Variants in ENAM observed in about 807,000 individuals in gnomAD.
ENAM encodes the protein enamelin.
ENAM carries 21 observed loss-of-function variants against 33.6 expected under a neutral mutation model. That is an observed-to-expected ratio of 0.63 (90% CI 0.44 to 0.90). The LOEUF (loss-of-function observed/expected upper bound fraction) is 0.90. Ranked by LOEUF, ENAM falls within the 40% of genes least tolerant of loss-of-function variation. The probability of loss-of-function intolerance (pLI) is 0.00; values close to 1 mark genes in which losing one functional copy is unlikely to be tolerated. For synonymous variants in ENAM, 473 were observed against 468.4 expected, an observed-to-expected ratio of 1.01 and a Z score of -0.13; for missense variants, 1,388 against 1,366.9, an observed-to-expected ratio of 1.02 and a Z score of -0.24.
intron 2 of ENAM, 131 bp downstream of exon 2, chr4:70,629,685 G>A (rs1284695408): frequency 1.9e-5 from 15 of 787,934 alleles, no homozygotes; most frequent in African/African-American, 1.7e-5. Flanking sequence ...TTTCACAGAT[G>A]GAATGGAAGA....
At chr4:70,639,032 A>G (rs1480505767) in intron 8 of ENAM, among the ~76,000 whole-genome samples, 3 of 151,948 alleles carry the variant, frequency 2.0e-5, no homozygotes, top group Non-Finnish European at 4.4e-5. Context: ...CCTGGCCTCA[A>G]GTGATCCAGC....
rs374039390 is a variant in ENAM, at chr4:70,642,451, G to A, written c.1025G>A (p.Gly342Glu). 22 of 1,613,964 alleles carry A rather than the reference G, an allele frequency of 1.4e-5. No homozygotes were observed. The highest frequency in any genetic ancestry group is 1.7e-5 in the Non-Finnish European group (20 of 1,179,936). The change falls in exon 9 of 9, where the codon GGG becomes GAG. Residue 342 changes from glycine to glutamate, a missense_variant. Transcript: ENST00000396073. ...TGGTATTTCACTGGTACTGTCATGGGGCACAGACAGAATAGGCCTTTTTAC... is the reference window on the plus strand; with the variant it reads ...TGGTATTTCACTGGTACTGTCATGGAGCACAGACAGAATAGGCCTTTTTAC... Reference protein sequence around the residue: ...RQWYFTGTVMGHRQNRPFYRN... With the variant: ...RQWYFTGTVMEHRQNRPFYRN...
intron 7 of ENAM, among the ~76,000 whole-genome samples, chr4:70,637,190 C>T (rs1738472082): frequency 6.6e-6 from 1 of 152,164 alleles, no homozygotes; most frequent in Non-Finnish European, 1.5e-5. Context: ...GATTCTCATG[C>T]TGAAGTAACT....
At position 70,636,696 on chromosome 4, in the gene ENAM, G is replaced by C. The variant is rs568507040; in HGVS notation, c.534+802G>C. On this transcript the variant is annotated intron_variant, in intron 7 of 8. Transcript: ENST00000396073. Reference sequence around the variant, plus strand: ...AGGCAGGAGACTCACTTGAACCCAGGAAGCAGAGGTTGCAGTGAGCCGAGA... The same window carrying C: ...AGGCAGGAGACTCACTTGAACCCAGCAAGCAGAGGTTGCAGTGAGCCGAGA... Among the ~76,000 whole-genome samples, 3 of 151,836 alleles carry C rather than the reference G, an allele frequency of 2.0e-5. 1 individual carries two copies. The South Asian group carries it at 6.2e-4, about 32-fold the overall frequency.
intron 8 of ENAM, among the ~76,000 whole-genome samples, chr4:70,638,355 C>T (rs373536680): frequency 6.6e-6 from 1 of 151,846 alleles, no homozygotes; most frequent in African/African-American, 2.4e-5. Flanking sequence ...CCCCACCCCC[C>T]TGGAGCTTAC....
rs1413046366 is a variant in ENAM, at chr4:70,642,082, T to C, written c.656T>C (p.Met219Thr). Residue 219 changes from methionine (M) to threonine (T), a missense_variant, in exon 9 of 9, where the codon ATG (methionine) becomes ACG (threonine). Coordinates refer to ENST00000396073, the MANE Select transcript of ENAM (RefSeq NM_031889.3). Reference protein sequence around the residue: ...GGRPPYYSEEMFEQDFEKPKE... With the variant: ...GGRPPYYSEETFEQDFEKPKE... ...CGCCCTCCTTATTATTCAGAAGAAA[T>C]GTTTGAACAAGATTTTGAAAAACCC... 6.2e-7 allele frequency: 1 copy of C among 1,614,074 alleles called. No individual in the cohort carries two copies. Among genetic ancestry groups the C allele is most frequent in the Non-Finnish European group, 8.5e-7 (1 of 1,179,944 alleles).
chr4:70,630,130 A>C (rs1738272836), intron 2 of ENAM, among the ~76,000 whole-genome samples: 1 of 152,206 alleles, frequency 6.6e-6, no homozygotes, highest in Admixed American at 6.5e-5. Context: ...AAAATCTTTA[A>C]ATAGTAGGAA....
rs1577967942 is a variant in ENAM at position 70,631,690 on chromosome 4, G to A, written c.75G>A (p.Lys25=). 6.2e-7 allele frequency: 1 copy of A among 1,613,458 alleles called. No individual in the cohort carries two copies. Among genetic ancestry groups the A allele is most frequent in the Non-Finnish European group, 8.5e-7 (1 of 1,179,420 alleles). Residue 25 remains lysine, a synonymous_variant, in exon 3 of 9, where the codon AAG becomes AAA. Transcript: ENST00000396073. ...LDNLVPKGKM[K]ILLVFLGLLG... is the part of the protein sequence containing the mutation. ...TCTAGGTACCAAAAGGCAAAATGAA[G>A]ATTCTCCTGGTCTTTCTAGGGCTTC...
intron 8 of ENAM, among the ~76,000 whole-genome samples, chr4:70,640,235 AT>A (rs1738564599): frequency 6.6e-6 from 1 of 152,228 alleles, no homozygotes; most frequent in African/African-American, 2.4e-5. Context: ...TCCCAGGAAA[AT>A]AGGAAACTGA....
At chr4:70,635,554 G>T (rs1439053042) in intron 6 of ENAM, among the ~76,000 whole-genome samples, 1 of 152,250 alleles carries the variant, frequency 6.6e-6, no homozygotes, top group East Asian at 1.9e-4. Context: ...GAACTTCATG[G>T]TCTTAGTAAA....
rs753473922 is a variant in ENAM, at chr4:70,642,577, CT to C, written c.1152del (p.Pro385LeufsTer29). On this transcript the variant is annotated frameshift_variant, in exon 9 of 9. Coordinates refer to ENST00000396073, the MANE Select transcript of ENAM (RefSeq NM_031889.3). LOFTEE classifies it low-confidence loss of function (END_TRUNC). ...PGNPVYHKAY[P>X]PTSRGNYPNY... ...AATCCAGTTTATCACAAAGCTTACC[CT>C]CCTACTTCAAGAGGCAATTATCCCA... is the stretch of plus-strand genomic sequence containing the variant. 1.9e-6 allele frequency: 3 copies of C among 1,614,002 alleles called. No individual in the cohort carries two copies. The highest frequency in any genetic ancestry group is 2.5e-6 in the Non-Finnish European group (3 of 1,179,952).
At chr4:70,632,509 C>CTGTTGTGCAT in intron 4 of ENAM, 142 bp from the exon 5 acceptor site, 1 of 759,730 alleles carries the variant, frequency 1.3e-6, no homozygotes, top group South Asian at 1.4e-5. Context: ...GGTGATATGA[C>CTGTTGTGCAT]TGTTGTGCAT....
intron 8 of ENAM, among the ~76,000 whole-genome samples, chr4:70,638,794 CTTTT>C (rs202207649): frequency 7.3e-6 from 1 of 137,252 alleles, no homozygotes; most frequent in Admixed American, 7.5e-5. Flanking sequence ...TTCTTTCTTT[CTTTT>C]TTTTTTTTTT....
At chr4:70,629,577 G>A in intron 2 of ENAM, 23 bp downstream of exon 2, 1 of 1,567,236 alleles carries the variant, frequency 6.4e-7, no homozygotes, top group Non-Finnish European at 8.8e-7. Flanking sequence ...ATTTATTTTT[G>A]CCAATACATA....
At chr4:70,635,755 G>T (rs1224801165) in intron 6 of ENAM, 77 bp from the exon 7 acceptor site, 8 of 921,624 alleles carry the variant, frequency 8.7e-6, no homozygotes, top group Admixed American at 1.8e-5. Flanking sequence ...AGTTTCAATT[G>T]TATTTAGTTA....
Position 70,644,671 on chromosome 4 carries a change from T to C in ENAM, c.3245T>C (p.Phe1082Ser), listed in dbSNP as rs759476301. The C allele has an allele frequency of 1.2e-6, 2 of 1,614,112 alleles. No homozygotes were observed. Among genetic ancestry groups the C allele is most frequent in the South Asian group, 1.1e-5 (1 of 91,062 alleles). ...TPSSDGRQSP[F>S]DGDSITPTEN... is the part of the protein sequence containing the mutation. ...TCTAGCGATGGAAGGCAAAGCCCATTTGATGGGGATTCAATTACGCCTACT... is the reference window on the plus strand; with the variant it reads ...TCTAGCGATGGAAGGCAAAGCCCATCTGATGGGGATTCAATTACGCCTACT... The change falls in exon 9 of 9, where the codon TTT becomes TCT. Residue 1082 changes from phenylalanine to serine, a missense_variant. Phe to Ser is a radical substitution (Grantham distance 155). Transcript: ENST00000396073.
At chr4:70,631,596 A>G in intron 2 of ENAM, 74 bp from the exon 3 acceptor site, 1 of 1,072,590 alleles carries the variant, frequency 9.3e-7, no homozygotes, top group Non-Finnish European at 1.5e-6. Context: ...GTAGGCTAGT[A>G]CTTAGATAAG....
chr4:70,634,560 C>A lies in ENAM; in HGVS notation c.463C>A (p.Pro155Thr). 6.2e-7 allele frequency: 1 copy of A among 1,614,088 alleles called. No homozygotes were observed. Among genetic ancestry groups the A allele is most frequent in the South Asian group, 1.1e-5 (1 of 91,082 alleles). ...ACCTCAGCCCGAAGAGGAAGCTCAA[C>A]CCCCTCAGGTGAGACTTGCACAGAA... ...NQPQPEEEAQ[P>T]PQAFPPFGNG... Residue 155 changes from proline to threonine, a missense_variant, in exon 6 of 9, where the codon CCC becomes ACC. By Grantham distance (38) the Pro-to-Thr change is conservative (BLOSUM62 -1). Transcript: ENST00000396073.
intron 3 of ENAM, 49 bp downstream of exon 3, chr4:70,631,787 C>G: frequency 6.2e-7 from 1 of 1,607,344 alleles, no homozygotes; most frequent in East Asian, 2.2e-5. Context: ...CCGTTAGGAA[C>G]AATTGTTGAG....
Sources: allele counts gnomAD v4.1 joint callset (sites outside exome capture counted in the v4.1 genomes callset), GRCh38; gene constraint gnomAD v4.1.1; transcripts MANE v1.5; gene names NCBI Gene and HGNC (gene_info 2026-07-23, HGNC 2026-07-21).